Variants in OSBPL9 observed in about 807,000 individuals in gnomAD.
OSBPL9 encodes oxysterol-binding protein-related protein 9.
OSBPL9 carries 40 observed loss-of-function variants against 106.6 expected under a neutral mutation model. The observed-to-expected ratio is 0.38, with a 90% CI of 0.29 to 0.49. The LOEUF is 0.49. Ranked by LOEUF, OSBPL9 falls within the 20% of genes least tolerant of loss-of-function variation. The pLI, the probability that OSBPL9 is intolerant of heterozygous loss-of-function variation, is 0.97. For synonymous variants in OSBPL9, 269 were observed against 295.4 expected (o/e 0.91, Z 0.92); for missense variants, 609 against 887.2 (o/e 0.69, Z 3.98).
intron 1 of OSBPL9, among the ~76,000 whole-genome samples, chr1:51,618,098 A>T (rs1644192276): frequency 6.6e-6 from 1 of 151,648 alleles, no homozygotes; most frequent in Admixed American, 6.6e-5. Context: ...GCTCACTGCA[A>T]CTTCTGCCTC....
chr1:51,568,080 A>G, the OSBPL9 span, among the ~76,000 whole-genome samples: 1 of 152,360 alleles, frequency 6.6e-6, no homozygotes, highest in East Asian at 1.9e-4. Context: ...GCTAGCAACA[A>G]TGGGGTTCTA....
chr1:51,670,286 C>G (rs1649560826), intron 3 of OSBPL9, among the ~76,000 whole-genome samples: 2 of 152,178 alleles, frequency 1.3e-5, no homozygotes, highest in Admixed American at 6.5e-5. Context: ...AGAGTAATCT[C>G]TCTTTTATGT....
chr1:51,643,525 G>A (rs912837282), intron 1 of OSBPL9, among the ~76,000 whole-genome samples: 2 of 152,166 alleles, frequency 1.3e-5, no homozygotes. Flanking sequence ...TGAAAGATGA[G>A]TGTGGGTGGG....
intron 3 of OSBPL9, among the ~76,000 whole-genome samples, chr1:51,712,032 A>G (rs1660118609): frequency 6.6e-6 from 1 of 152,026 alleles, no homozygotes; most frequent in African/African-American, 2.4e-5. Context: ...AGAGGCTGCA[A>G]TCTCGGCACT....
the OSBPL9 span, among the ~76,000 whole-genome samples, chr1:51,528,774 A>G: frequency 1.3e-5 from 2 of 151,812 alleles, no homozygotes; most frequent in East Asian, 3.9e-4. Flanking sequence ...TCAGGGGGCT[A>G]ACGTGGGGAA....
chr1:51,586,840 C>T (rs1645250379), intron 1 of OSBPL9, among the ~76,000 whole-genome samples: 1 of 152,140 alleles, frequency 6.6e-6, no homozygotes, highest in Non-Finnish European at 1.5e-5. Flanking sequence ...CATGCTGTCA[C>T]TCATGTTATT....
chr1:51,742,260 A>G (rs144556071), intron 4 of OSBPL9, among the ~76,000 whole-genome samples: 4 of 152,326 alleles, frequency 2.6e-5, no homozygotes, highest in African/African-American at 9.6e-5. Context: ...GAGCAAGTAC[A>G]GAATACTAGA....
At chr1:51,755,509 G>GT (rs555757309) in intron 8 of OSBPL9, among the ~76,000 whole-genome samples, 5 of 152,258 alleles carry the variant, frequency 3.3e-5, no homozygotes, top group East Asian at 1.9e-4. Context: ...TTGAGTTTTG[G>GT]TTTTTTCCCA....
At chr1:51,550,333 AAGTT>A in the OSBPL9 span, among the ~76,000 whole-genome samples, 16 of 152,366 alleles carry the variant, frequency 1.1e-4, no homozygotes, top group East Asian at 1.9e-3. Flanking sequence ...AATTATTTAA[AAGTT>A]AGGGCACAAA....
intron 1 of OSBPL9, among the ~76,000 whole-genome samples, chr1:51,580,931 TATATATATATATATATATATATAAC>T (rs1645217521): frequency 3.2e-3 from 6 of 1,888 alleles, no homozygotes; most frequent in South Asian, 0.011. Flanking sequence ...TATATATATA[TATATATATATATATATATATATAAC>T]TTTTTTGAAA....
chr1:51,682,121 T>C (rs897517572), intron 3 of OSBPL9, among the ~76,000 whole-genome samples: 4 of 151,982 alleles, frequency 2.6e-5, no homozygotes, highest in African/African-American at 7.2e-5. Flanking sequence ...AGAATTTTGC[T>C]TGAACCCGGG....
intron 1 of OSBPL9, among the ~76,000 whole-genome samples, chr1:51,641,851 C>T (rs887377885): frequency 2.0e-5 from 3 of 152,124 alleles, no homozygotes; most frequent in Non-Finnish European, 4.4e-5. Flanking sequence ...GACAGTATAT[C>T]GAAGAGAATC....
chr1:51,622,658 C>T (rs1368632794), intron 1 of OSBPL9, among the ~76,000 whole-genome samples: 1 of 152,178 alleles, frequency 6.6e-6, no homozygotes. Flanking sequence ...TGGAAGGTGG[C>T]CTCATTCCTC....
intron 1 of OSBPL9, among the ~76,000 whole-genome samples, chr1:51,587,728 A>G (rs192893391): frequency 1.3e-5 from 2 of 152,256 alleles, no homozygotes; most frequent in Admixed American, 1.3e-4. Flanking sequence ...TTGCATGTGC[A>G]CTTTGTATTC....
intron 9 of OSBPL9, among the ~76,000 whole-genome samples, chr1:51,757,284 A>G (rs1346397107): frequency 6.6e-6 from 1 of 152,132 alleles, no homozygotes; most frequent in Non-Finnish European, 1.5e-5. Flanking sequence ...TGAATTAAAT[A>G]TATCAGAATT....
At chr1:51,597,012 G>A (rs879289291) in intron 1 of OSBPL9, among the ~76,000 whole-genome samples, 1 of 152,166 alleles carries the variant, frequency 6.6e-6, no homozygotes, top group East Asian at 1.9e-4. Context: ...GGTCAGGGAG[G>A]TCCTCCTTGA....
At chr1:51,787,307 G>A (rs1327575402) in intron 22 of OSBPL9, 46 bp from the exon 23 acceptor site, 1 of 1,570,846 alleles carries the variant, frequency 6.4e-7, no homozygotes, top group African/African-American at 1.4e-5. Flanking sequence ...ATGGCTGCAG[G>A]CTTTCATTCT....
rs375990909 is a variant in OSBPL9 at position 51,681,280 on chromosome 1, G to GC, written c.241+11769dup. 3.9e-5 allele frequency among the ~76,000 whole-genome samples: 6 copies of GC among 152,220 alleles called. No homozygotes were observed. In the East Asian group the frequency reaches 1.2e-3, roughly 29 times the overall value. The stretch of plus-strand genomic sequence containing the variant: ...GGCTGTGTGAGTTGAACAAAGACTT[G>GC]CATGGTATAGGAGGGTATATTCTTA... On this transcript the variant is annotated intron_variant, in intron 3 of 23. Transcript: ENST00000428468.
chr1:51,612,322 A>G (rs1413818750), upstream of OSBPL9, among the ~76,000 whole-genome samples: 1 of 152,140 alleles, frequency 6.6e-6, no homozygotes, highest in Non-Finnish European at 1.5e-5. Flanking sequence ...CATGTCTTTA[A>G]TATTTATTGA....
Sources: allele counts gnomAD v4.1 joint callset (sites outside exome capture counted in the v4.1 genomes callset), GRCh38; gene constraint gnomAD v4.1.1; transcripts MANE v1.5; gene names NCBI Gene and HGNC (gene_info 2026-07-23, HGNC 2026-07-21).